The following SYMPK variants were observed in gnomAD, a reference collection of about 807,000 sequenced individuals.
The protein encoded by SYMPK is symplekin.
SYMPK carries 49 observed loss-of-function variants against 136.4 expected under a neutral mutation model. The observed-to-expected ratio is 0.36, with a 90% CI of 0.29 to 0.46. The LOEUF is 0.46. Ranked by LOEUF, SYMPK falls within the 20% of genes least tolerant of loss-of-function variation. The pLI, the probability that SYMPK is intolerant of heterozygous loss-of-function variation, is 1.00. For synonymous variants in SYMPK, 766 were observed against 713.0 expected (o/e 1.07, Z -1.19); for missense variants, 1,365 against 1,690.0 (o/e 0.81, Z 3.37).
At chr19:45,829,928 T>G in intron 13 of SYMPK, 126 bp downstream of exon 13, 2 of 1,089,358 alleles carry the variant, frequency 1.8e-6, no homozygotes, top group Non-Finnish European at 2.6e-6. Flanking sequence ...GAAGCGGCTG[T>G]GGGCAGCAGA....
In SYMPK at chr19:45,821,353, A is replaced by C. The variant is rs894846135; in HGVS notation, c.2893+31T>G. ...GTCCTGCCCTGGCGTCGCAGGGGCCAGGCCACTGGAGTGGGGGGGAAGCGC... is the reference window on the plus strand; with the variant it reads ...GTCCTGCCCTGGCGTCGCAGGGGCCCGGCCACTGGAGTGGGGGGGAAGCGC... On this transcript the variant is annotated intron_variant, in intron 22 of 26. Transcript: ENST00000245934. The surrounding 1 kb of genome is among the most constrained non-coding windows in gnomAD (Gnocchi z 4.4). 3.2e-6 allele frequency: 5 copies of C among 1,556,362 alleles called. No homozygotes were observed. Among genetic ancestry groups the C allele is most frequent in the Non-Finnish European group, 4.4e-6 (5 of 1,128,152 alleles).
chr19:45,831,301 G>GCA, intron 12 of SYMPK, 83 bp downstream of exon 12: 3 of 913,850 alleles, frequency 3.3e-6, no homozygotes, highest in Non-Finnish European at 4.5e-6. Context: ...ACACGCACAC[G>GCA]CACACGCACA....
rs774759409 is a variant in SYMPK at position 45,838,439 on chromosome 19, A to C, written c.1242+22T>G. ...ATCCTTCCTTCCTGCCCAGGGGGAA[A>C]ACGCTCCCCACCCATCCTCACCAGA... On this transcript the variant is annotated intron_variant, in intron 10 of 26. Coordinates refer to ENST00000245934, the MANE Select transcript of SYMPK (RefSeq NM_004819.3). 1.4e-5 allele frequency: 23 copies of C among 1,600,832 alleles called. No homozygotes were observed. In the South Asian group the frequency reaches 1.5e-4, roughly 11 times the overall value.
chr19:45,848,576 C>T (rs1483446830), intron 6 of SYMPK, among the ~76,000 whole-genome samples, 174 bp downstream of exon 6: 2 of 152,228 alleles, frequency 1.3e-5, no homozygotes, highest in East Asian at 3.8e-4. Flanking sequence ...AGGTTAAGTG[C>T]AACTTCCTGA....
chr19:45,835,554 G>A (rs1311862052), intron 10 of SYMPK, among the ~76,000 whole-genome samples: 2 of 152,096 alleles, frequency 1.3e-5, no homozygotes, highest in Non-Finnish European at 2.9e-5. Flanking sequence ...GGAGGGGTGT[G>A]TATTCCCCGT....
At chr19:45,819,165 T>G (rs1162904116) in intron 22 of SYMPK, 1 of 152,012 alleles carries the variant, frequency 6.6e-6, no homozygotes, top group Non-Finnish European at 1.5e-5. Flanking sequence ...ACCCCTCCCC[T>G]CTTCCTTCCC....
intron 22 of SYMPK, chr19:45,819,208 TCC>T (rs1015731763): frequency 6.6e-6 from 1 of 151,376 alleles, no homozygotes; most frequent in Non-Finnish European, 1.5e-5. Flanking sequence ...CACCTGGGCC[TCC>T]CCCGAGCCTC....
intron 1 of SYMPK, among the ~76,000 whole-genome samples, chr19:45,858,090 C>T (rs931962746): frequency 4.6e-5 from 7 of 152,142 alleles, no homozygotes; most frequent in Non-Finnish European, 2.9e-5. Context: ...TGAGCCACAG[C>T]GCCCAGCCGA....
chr19:45,850,947 G>A (rs1971683235), intron 5 of SYMPK, among the ~76,000 whole-genome samples: 1 of 152,052 alleles, frequency 6.6e-6, no homozygotes, highest in Non-Finnish European at 1.5e-5. Flanking sequence ...GGAGAGCCAG[G>A]TGGCAACCTG....
chr19:45,859,407 G>A (rs963615554), intron 1 of SYMPK, among the ~76,000 whole-genome samples: 2 of 149,804 alleles, frequency 1.3e-5, no homozygotes, highest in Admixed American at 6.7e-5. Context: ...AGACCAGCCT[G>A]GCCAACATGG....
chr19:45,854,885 T>TTTTTTTTC (rs1971784599), intron 1 of SYMPK: 1 of 197,782 alleles, frequency 5.1e-6, no homozygotes, highest in African/African-American at 2.3e-5. Context: ...CTTTCTTTTT[T>TTTTTTTTC]TTTTTTTTTT....
Position 45,826,507 on chromosome 19 carries a change from C to T in SYMPK, c.2182-134G>A, listed in dbSNP as rs897412923. 3.5e-5 allele frequency: 33 copies of T among 936,106 alleles called. No homozygotes were observed. In the Admixed American group the frequency reaches 6.6e-4, roughly 19 times the overall value. 58.0% of individuals were successfully genotyped at this position (936,106 alleles called of 1,614,324 possible). On this transcript the variant is annotated intron_variant, in intron 16 of 26. Transcript: ENST00000245934. ...GGGGCAGCCCAGCTGTTACCAGGGC[C>T]CAGGGCTGGTCCCCAGTGCAGGAGG...
intron 10 of SYMPK, among the ~76,000 whole-genome samples, chr19:45,836,295 TG>T: frequency 6.6e-6 from 1 of 151,918 alleles, no homozygotes; most frequent in South Asian, 2.1e-4. Flanking sequence ...TTGCCCAGGC[TG>T]GAAAAGGATA....
intron 17 of SYMPK, 98 bp from the exon 18 acceptor site, chr19:45,825,429 G>A: frequency 7.0e-7 from 1 of 1,427,756 alleles, no homozygotes; most frequent in Non-Finnish European, 9.4e-7. Flanking sequence ...AGCCGGGGAG[G>A]GCAGAGAAGG....
chr19:45,853,408 G>A (rs890636644), intron 3 of SYMPK, among the ~76,000 whole-genome samples: 8 of 152,158 alleles, frequency 5.3e-5, no homozygotes, highest in South Asian at 2.1e-4. Context: ...GGGGGCCAAG[G>A]AGGGTGGACC....
intron 18 of SYMPK, among the ~76,000 whole-genome samples, 175 bp downstream of exon 18, chr19:45,824,996 G>A (rs1338438048): frequency 6.6e-5 from 10 of 152,232 alleles, no homozygotes; most frequent in African/African-American, 2.2e-4. Context: ...GCCACTTGAC[G>A]TTTCCTCAGG....
At chr19:45,860,267 C>T (rs1467530086) in intron 1 of SYMPK, among the ~76,000 whole-genome samples, 1 of 151,718 alleles carries the variant, frequency 6.6e-6, no homozygotes, top group Non-Finnish European at 1.5e-5. Flanking sequence ...ACCAGTCTGG[C>T]CAACATGGTG....
Position 45,848,043 on chromosome 19 carries a change from G to A in SYMPK, c.427-42C>T, listed in dbSNP as rs142315180. ...AAGGAATGGAAGAGACACACAAAGA[G>A]GTGAAGACAACGCATCAATCACCAA... is the stretch of plus-strand genomic sequence containing the variant. On this transcript the variant is annotated intron_variant, in intron 6 of 26. Transcript: ENST00000245934. The A allele has an allele frequency of 2.2e-5, 34 of 1,541,076 alleles. No individual in the cohort carries two copies. In the African/African-American group the frequency reaches 2.7e-4, roughly 12 times the overall value.
intron 26 of SYMPK, 28 bp downstream of exon 26, chr19:45,815,819 TCTTC>T: frequency 6.2e-7 from 1 of 1,607,204 alleles, no homozygotes. Context: ...AGATCCGGCT[TCTTC>T]CTTCGCAGCG....
Sources: allele counts gnomAD v4.1 joint callset (sites outside exome capture counted in the v4.1 genomes callset), GRCh38; gene constraint gnomAD v4.1.1; non-coding constraint Gnocchi (gnomAD v3.1); transcripts MANE v1.5; gene names NCBI Gene and HGNC (gene_info 2026-07-23, HGNC 2026-07-21).